Variants in ALOXE3 observed in about 807,000 individuals in gnomAD.
ALOXE3 encodes arachidonate epidermal lipoxygenase 3.
A neutral mutation model predicts 87.5 loss-of-function variants in ALOXE3; 78 were observed. The ratio of observed to expected loss-of-function variants is 0.89; its 90% CI spans 0.74 to 1.08. The LOEUF is 1.08. ALOXE3 is among the 50% of genes least tolerant of loss of function. The pLI is 0.00. For synonymous variants in ALOXE3, 363 were observed against 370.8 expected (o/e 0.98, Z 0.24); for missense variants, 946 against 912.4 (o/e 1.04, Z -0.47).
At position 8,096,608 on chromosome 17, in the gene ALOXE3, G is replaced by T; in HGVS notation, c.*19C>A. ...CATGCTTGGACCTTTCTTTCTTCTT[G>T]GGTGGTATTTGGGGGTGGTTAGATG... On this transcript the variant is annotated 3_prime_UTR_variant, in exon 16 of 16. Transcript: ENST00000448843. 2 of 1,089,208 alleles carry T rather than the reference G, an allele frequency of 1.8e-6. No individual in the cohort carries two copies. Among genetic ancestry groups the T allele is most frequent in the Non-Finnish European group, 2.9e-6 (2 of 700,760 alleles). 67.5% of individuals were successfully genotyped at this position (1,089,208 alleles called of 1,614,324 possible). A position where few individuals can be genotyped will look rare whatever the true frequency, so the allele number is the denominator to read the frequency against.
intron 13 of ALOXE3, 138 bp downstream of exon 13, chr17:8,108,330 T>C (rs1383694149): frequency 1.5e-6 from 2 of 1,365,752 alleles, no homozygotes; most frequent in African/African-American, 1.5e-5. Context: ...TTTGTGCCTC[T>C]TTCCATATCT....
chr17:8,113,723 A>G (rs1313237156), intron 6 of ALOXE3, among the ~76,000 whole-genome samples: 1 of 151,568 alleles, frequency 6.6e-6, no homozygotes, highest in Non-Finnish European at 1.5e-5. Context: ...GGTCAATAAC[A>G]TAGGATGTAT....
Position 8,107,919 on chromosome 17 carries a change from A to G in ALOXE3, c.1684+549T>C, listed in dbSNP as rs1249363370. Among the ~76,000 whole-genome samples the G allele has an allele frequency of 3.1e-3, 23 of 7,320 alleles. 6 individuals carry two copies. Among genetic ancestry groups the G allele is most frequent in the Admixed American group, 0.016 (14 of 866 alleles). 4.8% of individuals were successfully genotyped at this position (7,320 alleles called of 152,430 possible). On this transcript the variant is annotated intron_variant, in intron 13 of 15. Transcript: ENST00000448843. ...AAAGAAAGAAAGAAAGAAAGAAAGA[A>G]AGAAAGAAAGAAAGAAAGAAAGAAA...
intron 15 of ALOXE3, among the ~76,000 whole-genome samples, chr17:8,097,308 G>T (rs1367369843): frequency 1.3e-5 from 2 of 151,838 alleles, no homozygotes; most frequent in African/African-American, 2.4e-5. Context: ...ACCTTTAAAG[G>T]TCCCTTTCAT....
At chr17:8,118,715 T>C, upstream of ALOXE3, 1 of 1,537,220 alleles carries the variant, frequency 6.5e-7, no homozygotes, top group Non-Finnish European at 8.7e-7. Context: ...TGCTCTGGAG[T>C]AGGGCAGGTC....
chr17:8,116,962 G>A lies in ALOXE3; in HGVS notation c.166C>T (p.Arg56Cys). 3 of 1,613,964 alleles carry A rather than the reference G, an allele frequency of 1.9e-6. No individual in the cohort carries two copies. Among genetic ancestry groups the A allele is most frequent in the Non-Finnish European group, 2.5e-6 (3 of 1,179,932 alleles). The change falls in exon 3 of 16, where the codon CGT (arginine) becomes TGT (cysteine). Residue 56 changes from arginine (R) to cysteine (C), a missense_variant. By Grantham distance (180) the Arg-to-Cys change is radical. Coordinates refer to ENST00000448843, the MANE Select transcript of ALOXE3 (RefSeq NM_021628.3). The stretch of plus-strand genomic sequence containing the variant: ...AGCTCACCCAGCTCCGCTGTGCAAC[G>A]CACCTTGTACTTCTGTACCTGAGGG... ...APGSVQKYKV[R>C]CTAELGELLL...
At chr17:8,118,669 T>G, upstream of ALOXE3, 1 of 1,537,304 alleles carries the variant, frequency 6.5e-7, no homozygotes, top group Non-Finnish European at 8.7e-7. Context: ...ATGGCCCTCT[T>G]TGTCCCCAGC....
At chr17:8,118,744 G>A (rs1202013664), upstream of ALOXE3, 1 of 1,537,292 alleles carries the variant, frequency 6.5e-7, no homozygotes, top group East Asian at 2.4e-5. Context: ...GAAATACAGC[G>A]CCGGCAAACA....
At chr17:8,118,628 C>T (rs3027231), upstream of ALOXE3, 29,360 of 1,536,330 alleles carry the variant, frequency 0.019, 863 homozygotes, top group East Asian at 0.14. Flanking sequence ...GGAACAGCTC[C>T]CTGTCACCCC....
At chr17:8,114,418 G>A in intron 6 of ALOXE3, 66 bp downstream of exon 6, 3 of 1,611,702 alleles carry the variant, frequency 1.9e-6, no homozygotes, top group Non-Finnish European at 2.5e-6. Context: ...GGGCAGTCTG[G>A]GAGCACGGGG....
Position 8,113,451 on chromosome 17 carries a change from G to A in ALOXE3, c.680+1033C>T, listed in dbSNP as rs576067589. Among the ~76,000 whole-genome samples the A allele has an allele frequency of 8.5e-5, 13 of 152,228 alleles. No individual in the cohort carries two copies. The East Asian group carries it at 1.7e-3, about 20-fold the overall frequency. On this transcript the variant is annotated intron_variant, in intron 6 of 15. Coordinates refer to ENST00000448843, the MANE Select transcript of ALOXE3 (RefSeq NM_021628.3). ...GCCGATCACCTGAGGTCAGGAGTTC[G>A]AGACCAGCCTGGCCAACATGGTGAA...
At chr17:8,104,304 A>G in intron 13 of ALOXE3, 89 bp from the exon 14 acceptor site, 1 of 959,548 alleles carries the variant, frequency 1.0e-6, no homozygotes, top group South Asian at 1.3e-5. Flanking sequence ...CACAGGGGGA[A>G]AGTGAGGAAG....
intron 11 of ALOXE3, 23 bp downstream of exon 11, chr17:8,109,893 G>A: frequency 6.5e-7 from 1 of 1,545,542 alleles, no homozygotes; most frequent in Non-Finnish European, 8.7e-7. Context: ...GCGGAGATCA[G>A]TGACCCGGCA....
At chr17:8,104,829 A>G (rs1979173382) in intron 13 of ALOXE3, among the ~76,000 whole-genome samples, 1 of 152,122 alleles carries the variant, frequency 6.6e-6, no homozygotes, top group South Asian at 2.1e-4. Flanking sequence ...ACAACAGAGA[A>G]AAGCATTTCA....
chr17:8,114,569 C>T lies in ALOXE3; in HGVS notation c.595G>A (p.Asp199Asn). The T allele has an allele frequency of 1.2e-6, 2 of 1,613,828 alleles. No homozygotes were observed. The highest frequency in any genetic ancestry group is 2.2e-5 in the South Asian group (2 of 91,054). Residue 199 changes from aspartate (D) to asparagine (N), a missense_variant, in exon 6 of 16, where the codon GAC becomes AAC. Coordinates refer to ENST00000448843, the MANE Select transcript of ALOXE3 (RefSeq NM_021628.3). The stretch of plus-strand genomic sequence containing the variant: ...TCCATGTACATCAGGGATGGGATGT[C>T]AATTTTCATGGGGAAGCCGGGCAGG... ...RYLPGFPMKI[D>N]IPSLMYMEPN...
rs201702875 is a variant in ALOXE3 at position 8,107,966 on chromosome 17, G to GAA, written c.1684+501_1684+502insTT. Among the ~76,000 whole-genome samples the GAA allele has an allele frequency of 6.9e-3, 45 of 6,478 alleles. 20 individuals carry two copies. The South Asian group carries it at 0.14, about 20-fold the overall frequency. The allele number at this position is 6,478 out of a possible 152,430, so 4.2% of individuals were successfully genotyped here. On this transcript the variant is annotated intron_variant, in intron 13 of 15. Coordinates refer to ENST00000448843, the MANE Select transcript of ALOXE3 (RefSeq NM_021628.3). Reference sequence around the variant, plus strand: ...GAAAGAAAGAAAGAAAGAAAGGAAGGAGAGAGAGAGAGAGAGAAAGAAAGA... The same window carrying GAA: ...GAAAGAAAGAAAGAAAGAAAGGAAGGAAAGAGAGAGAGAGAGAGAAAGAAAGA...
rs747151509 is a variant in ALOXE3, at chr17:8,110,313, G to A, written c.1102-18C>T. On this transcript the variant is annotated intron_variant, in intron 9 of 15. Transcript: ENST00000448843. ...TGGCTGAGCTGCGTCCGAAAGGAAC[G>A]AGGGATGATGGGGCTCCGGGCTGGC... The A allele has an allele frequency of 5.0e-6, 8 of 1,612,842 alleles. No individual in the cohort carries two copies. The African/African-American group carries it at 9.3e-5, about 19-fold the overall frequency.
At chr17:8,112,929 G>C (rs1039797337) in intron 6 of ALOXE3, among the ~76,000 whole-genome samples, 1 of 151,958 alleles carries the variant, frequency 6.6e-6, no homozygotes, top group Non-Finnish European at 1.5e-5. Context: ...CAAGTAGCAG[G>C]CACTACCATG....
At chr17:8,098,613 C>T (rs189086532) in intron 15 of ALOXE3, among the ~76,000 whole-genome samples, 109 of 152,226 alleles carry the variant, frequency 7.2e-4, no homozygotes, top group African/African-American at 2.5e-3. Context: ...AATGGCTGCT[C>T]ACATTTATCA....
Sources: allele counts gnomAD v4.1 joint callset (sites outside exome capture counted in the v4.1 genomes callset), GRCh38; gene constraint gnomAD v4.1.1; transcripts MANE v1.5; gene names NCBI Gene and HGNC (gene_info 2026-07-23, HGNC 2026-07-21).